Variants in DHRSX observed in about 807,000 individuals in gnomAD.
DHRSX encodes the protein polyprenol dehydrogenase.
A neutral mutation model predicts 34.0 loss-of-function variants in DHRSX; 31 were observed. That is an observed-to-expected ratio of 0.91 (90% CI 0.69 to 1.23). The LOEUF is 1.23. Ranked by LOEUF, DHRSX falls within the 50% of genes most tolerant of loss-of-function variation. The pLI is 0.00. For synonymous variants in DHRSX, 201 were observed against 183.8 expected (o/e 1.09, Z -0.76); for missense variants, 414 against 428.1 (o/e 0.97, Z 0.29).
intron 3 of DHRSX, among the ~76,000 whole-genome samples, chrX:2,388,736 C>T (rs2043300757): frequency 1.3e-5 from 2 of 151,344 alleles, no homozygotes; most frequent in Admixed American, 1.3e-4. Flanking sequence ...ATCTCCAAGT[C>T]CAGGAGAGAG....
intron 4 of DHRSX, among the ~76,000 whole-genome samples, chrX:2,283,350 G>C (rs967151377): frequency 8.5e-5 from 13 of 152,128 alleles, no homozygotes; most frequent in Non-Finnish European, 1.8e-4. Flanking sequence ...CTACGGAACA[G>C]AAAGCTACTC....
At chrX:2,432,917 G>A (rs1023374850) in intron 1 of DHRSX, among the ~76,000 whole-genome samples, 11 of 152,098 alleles carry the variant, frequency 7.2e-5, no homozygotes, top group African/African-American at 2.7e-4. Context: ...GAGGCCAAAA[G>A]CTCAGGACCA....
At chrX:2,349,720 C>T (rs1396113480) in intron 3 of DHRSX, among the ~76,000 whole-genome samples, 1 of 151,386 alleles carries the variant, frequency 6.6e-6, no homozygotes, top group African/African-American at 2.4e-5. Flanking sequence ...TGTAAATACA[C>T]ACAATGGGAT....
intron 3 of DHRSX, among the ~76,000 whole-genome samples, chrX:2,340,571 G>A (rs1287711810): frequency 6.6e-6 from 1 of 151,968 alleles, no homozygotes; most frequent in Non-Finnish European, 1.5e-5. Context: ...TATTGCCTGT[G>A]GACATCAGAA....
intron 5 of DHRSX, among the ~76,000 whole-genome samples, chrX:2,250,161 C>CA (rs1036532155): frequency 0.48 from 49,011 of 101,568 alleles, 11,910 homozygotes; most frequent in Middle Eastern, 0.64. Flanking sequence ...GACTCCATCT[C>CA]AAAAAAAAAA....
At chrX:2,450,147 T>C (rs1460739461) in intron 1 of DHRSX, among the ~76,000 whole-genome samples, 1 of 96,148 alleles carries the variant, frequency 1.0e-5, no homozygotes, top group Non-Finnish European at 2.0e-5. Context: ...AGGAAAAAAG[T>C]ACCAATAAAT....
rs1317175815 is a variant in DHRSX at position 2,471,190 on chromosome X, T to C, written c.109+29627A>G. The stretch of plus-strand genomic sequence containing the variant: ...ACAGCTGTGACATATTTAACAGTGT[T>C]TCCTCTTAATTCAACACCCTTTATA... On this transcript the variant is annotated intron_variant, in intron 1 of 6. Transcript: ENST00000334651. Among the ~76,000 whole-genome samples the C allele has an allele frequency of 8.5e-5, 13 of 152,176 alleles. No homozygotes were observed. The South Asian group carries it at 2.3e-3, about 27-fold the overall frequency.
At chrX:2,392,753 AT>A (rs1226865142) in intron 3 of DHRSX, among the ~76,000 whole-genome samples, 1 of 63,154 alleles carries the variant, frequency 1.6e-5, no homozygotes, top group African/African-American at 6.6e-5. Context: ...TGATATAAAA[AT>A]ATATACTAAA....
At chrX:2,273,723 T>C (rs1289482708) in intron 4 of DHRSX, among the ~76,000 whole-genome samples, 3 of 152,220 alleles carry the variant, frequency 2.0e-5, no homozygotes, top group Admixed American at 6.5e-5. Flanking sequence ...AGTCAGAACA[T>C]GCAGTATTTG....
chrX:2,407,351 G>A (rs954081380), intron 3 of DHRSX, among the ~76,000 whole-genome samples: 1 of 152,176 alleles, frequency 6.6e-6, no homozygotes, highest in Non-Finnish European at 1.5e-5. Context: ...CCACGGCTTT[G>A]ACAAGCTGCT....
intron 1 of DHRSX, among the ~76,000 whole-genome samples, chrX:2,429,814 G>T (rs922178417): frequency 6.6e-6 from 1 of 152,056 alleles, no homozygotes; most frequent in Non-Finnish European, 1.5e-5. Context: ...CACAAGAACG[G>T]CAGAGGGAGA....
chrX:2,223,062 C>T (rs1294556221), intron 6 of DHRSX, among the ~76,000 whole-genome samples: 5 of 152,046 alleles, frequency 3.3e-5, no homozygotes, highest in Non-Finnish European at 5.9e-5. Flanking sequence ...TAGGGGTGCC[C>T]AGAGATCTTG....
At chrX:2,415,592 TA>T (rs2043683019) in intron 2 of DHRSX, among the ~76,000 whole-genome samples, 1 of 151,414 alleles carries the variant, frequency 6.6e-6, no homozygotes, top group Non-Finnish European at 1.5e-5. Context: ...GACCTCATCA[TA>T]ACCTAACTCA....
At chrX:2,321,714 G>T (rs73628300) in intron 3 of DHRSX, among the ~76,000 whole-genome samples, 2,672 of 151,950 alleles carry the variant, frequency 0.018, 35 homozygotes, top group South Asian at 0.052. Context: ...TGTTATTTAT[G>T]CCACCCCATC....
In DHRSX at chrX:2,221,135, G is replaced by T; in HGVS notation, c.899C>A (p.Thr300Asn). 1 of 1,613,902 alleles carries T rather than the reference G, an allele frequency of 6.2e-7. No homozygotes were observed. The highest frequency in any genetic ancestry group is 1.1e-5 in the South Asian group (1 of 91,074). ...GGHYLYNEKE[T>N]KSLHVTYNQK... ...GTTGTAGGTGACGTGGAGGGACTTG[G>T]TCTCTTTCTCGTTGTATAGGTAATG... Residue 300 changes from threonine (T) to asparagine (N), a missense_variant, in exon 7 of 7, where the codon ACC becomes AAC. Transcript: ENST00000334651.
At chrX:2,480,711 T>G (rs1436283404) in intron 1 of DHRSX, among the ~76,000 whole-genome samples, 1 of 151,904 alleles carries the variant, frequency 6.6e-6, no homozygotes, top group Non-Finnish European at 1.5e-5. Context: ...CCCAGCTACC[T>G]GGGAGGCTGT....
At chrX:2,482,123 G>A (rs1233695149) in intron 1 of DHRSX, among the ~76,000 whole-genome samples, 3 of 133,504 alleles carry the variant, frequency 2.2e-5, no homozygotes, top group African/African-American at 6.1e-5. Context: ...GTGCCACCAC[G>A]TCTGGCTTTT....
At chrX:2,357,148 G>A (rs2042865138) in intron 3 of DHRSX, among the ~76,000 whole-genome samples, 1 of 152,116 alleles carries the variant, frequency 6.6e-6, no homozygotes, top group African/African-American at 2.4e-5. Context: ...GGAGGCTGAG[G>A]CAGGAGAATC....
Position 2,298,601 on chromosome X carries a change from T to TACACACAC in DHRSX, c.287-7006_287-6999dup, listed in dbSNP as rs747078260. On this transcript the variant is annotated intron_variant, in intron 3 of 6. Coordinates refer to ENST00000334651, the MANE Select transcript of DHRSX (RefSeq NM_145177.3). The stretch of plus-strand genomic sequence containing the variant: ...AGCAGTTCTCCTGCAGGCGCGTGTG[T>TACACACAC]ACACACACACACACACACACACACA... 1.4e-4 allele frequency among the ~76,000 whole-genome samples: 18 copies of TACACACAC among 131,818 alleles called. 2 individuals are homozygous for TACACACAC. Among genetic ancestry groups the TACACACAC allele is most frequent in the African/African-American group, 7.0e-4 (17 of 24,368 alleles). 86.5% of individuals were successfully genotyped at this position (131,818 alleles called of 152,430 possible).
Sources: allele counts gnomAD v4.1 joint callset (sites outside exome capture counted in the v4.1 genomes callset), GRCh38; gene constraint gnomAD v4.1.1; transcripts MANE v1.5; gene names NCBI Gene and HGNC (gene_info 2026-07-23, HGNC 2026-07-21).